Variants in DPP9 observed in about 807,000 individuals in gnomAD.
The protein encoded by DPP9 is dipeptidyl peptidase 9, also known as dipeptidyl peptidase IV-related protein-2.
DPP9 carries 50 observed loss-of-function variants against 110.7 expected under a neutral mutation model. The ratio of observed to expected loss-of-function variants is 0.45; its 90% confidence interval spans 0.36 to 0.57. The LOEUF (loss-of-function observed/expected upper bound fraction) is 0.57. DPP9 is among the 20% of genes least tolerant of loss of function. The probability of loss-of-function intolerance (pLI) is 0.00; values close to 1 mark genes in which losing one functional copy is unlikely to be tolerated. For missense variants in DPP9, 1,022 were observed against 1,217.9 expected (o/e 0.84, Z 2.39); for synonymous variants, 561 against 514.4 (o/e 1.09, Z -1.23).
At position 4,714,115 on chromosome 19, in the gene DPP9, C is replaced by G; in HGVS notation, c.279G>C (p.Glu93Asp). Residue 93 changes from glutamate to aspartate, a missense_variant, in exon 4 of 22, where the codon GAG (glutamate) becomes GAC (aspartate). This residue lies in a region of DPP9 where 810 missense variants were observed against 920.6 expected (regional missense o/e 0.88). Coordinates refer to ENST00000262960, the MANE Select transcript of DPP9 (RefSeq NM_139159.5). The part of the protein sequence containing the change: ...HDFQFVQKTD[E>D]SGPHSHRLYY... Reference sequence around the variant, plus strand: ...AGAGGCGGTGGGAGTGGGGCCCAGACTCATCCGTCTTCTGCACAAACTGGA... The same window carrying G: ...AGAGGCGGTGGGAGTGGGGCCCAGAGTCATCCGTCTTCTGCACAAACTGGA... 6.2e-7 allele frequency: 1 copy of G among 1,613,136 alleles called. No homozygotes were observed. Among genetic ancestry groups the G allele is most frequent in the Non-Finnish European group, 8.5e-7 (1 of 1,179,500 alleles).
intron 20 of DPP9, among the ~76,000 whole-genome samples, chr19:4,680,371 C>T (rs1032563824): frequency 6.6e-6 from 1 of 151,904 alleles, no homozygotes; most frequent in African/African-American, 2.4e-5. Flanking sequence ...TACCACTGCA[C>T]TCCAGCCTGG....
intron 18 of DPP9, chr19:4,683,911 C>A (rs1038999744): frequency 8.4e-7 from 1 of 1,190,066 alleles, no homozygotes; most frequent in Non-Finnish European, 1.2e-6. Flanking sequence ...GGGACATTAA[C>A]AGGAAGAGGA....
chr19:4,683,656 A>AGTG (rs1568302288), intron 18 of DPP9, 27 bp from the exon 19 acceptor site: 1 of 1,613,184 alleles, frequency 6.2e-7, no homozygotes, highest in South Asian at 1.1e-5. Context: ...GGCACCTCTC[A>AGTG]GTGGCCTCCT....
chr19:4,713,976 C>T (rs771204056), intron 4 of DPP9, 105 bp downstream of exon 4: 52 of 1,434,692 alleles, frequency 3.6e-5, no homozygotes, highest in East Asian at 1.2e-4. Flanking sequence ...CCCAGCCATC[C>T]GAGCAGATCT....
In DPP9 at chr19:4,676,915, C is replaced by CG. The variant is rs1436962680; in HGVS notation, c.2587-260dup. Reference sequence around the variant, plus strand: ...TACAAAACGCCTTGCGGTGTGCACGCGCTTGCACAGAGGAAAGATTTAGGA... The same window carrying CG: ...TACAAAACGCCTTGCGGTGTGCACGCGGCTTGCACAGAGGAAAGATTTAGGA... On this transcript the variant is annotated intron_variant, in intron 21 of 21. Coordinates refer to ENST00000262960, the MANE Select transcript of DPP9 (RefSeq NM_139159.5). The surrounding 1 kb of genome is among the most constrained non-coding windows in gnomAD (Gnocchi z 4.0). Among the ~76,000 whole-genome samples the CG allele has an allele frequency of 6.6e-6, 1 of 152,168 alleles. No homozygotes were observed. Among genetic ancestry groups the CG allele is most frequent in the East Asian group, 1.9e-4 (1 of 5,186 alleles).
Position 4,676,319 on chromosome 19 carries a change from G to C in DPP9, c.*245C>G. The stretch of plus-strand genomic sequence containing the variant: ...CTCCCAGAAGGCGGGGAGAGGAGGG[G>C]CTGGCCCGAGACCACCATCTCTCTG... On this transcript the variant is annotated 3_prime_UTR_variant, in exon 22 of 22. Transcript: ENST00000262960. This position sits in a 1 kb window ranked among gnomAD's most constrained non-coding sequence, Gnocchi z 4.0. 5 of 540,684 alleles carry C rather than the reference G, an allele frequency of 9.2e-6. No individual in the cohort carries two copies. The South Asian group carries it at 1.0e-4, about 11-fold the overall frequency. 33.5% of individuals were successfully genotyped at this position (540,684 alleles called of 1,614,324 possible).
At chr19:4,691,501 A>C (rs375971166) in intron 13 of DPP9, among the ~76,000 whole-genome samples, 3 of 150,972 alleles carry the variant, frequency 2.0e-5, no homozygotes, top group African/African-American at 7.3e-5. Flanking sequence ...AACAAAAAAC[A>C]GGAAGAGAAA....
rs769974053 is a variant in DPP9, at chr19:4,679,855, C to G, written c.2566G>C (p.Gly856Arg). The change falls in exon 21 of 22, where the codon GGG becomes CGG. Residue 856 changes from glycine (G) to arginine (R), a missense_variant. Around this residue, in one of 3 missense-constraint regions of DPP9, gnomAD observed 209 missense variants for 280.4 expected, o/e 0.75. Coordinates refer to ENST00000262960, the MANE Select transcript of DPP9 (RefSeq NM_139159.5). ...CCCACCTGGAGCTGGTAAGGTTTCC[C>G]TGCTCGGATCAGTTGGGAGACGAGG... is the stretch of plus-strand genomic sequence containing the variant. ...NFLVSQLIRA[G>R]KPYQLQIYPN... is the part of the protein sequence containing the mutation. 1.2e-6 allele frequency: 2 copies of G among 1,612,682 alleles called. No individual in the cohort carries two copies. Among genetic ancestry groups the G allele is most frequent in the East Asian group, 4.5e-5 (2 of 44,860 alleles).
chr19:4,719,784 G>C, intron 3 of DPP9, 67 bp downstream of exon 3: 4 of 1,528,306 alleles, frequency 2.6e-6, no homozygotes, highest in Non-Finnish European at 2.7e-6. Context: ...CCAGATCTTA[G>C]ACTGTTGGGG....
At chr19:4,681,489 A>G (rs1367644117) in intron 20 of DPP9, among the ~76,000 whole-genome samples, 1 of 150,836 alleles carries the variant, frequency 6.6e-6, no homozygotes, top group Non-Finnish European at 1.5e-5. Context: ...GCTAATTTTT[A>G]TATTTTTAGT....
intron 4 of DPP9, among the ~76,000 whole-genome samples, chr19:4,708,496 ATCT>A (rs2092689926): frequency 6.6e-6 from 1 of 152,176 alleles, no homozygotes; most frequent in South Asian, 2.1e-4. Flanking sequence ...ATGAAACAGA[ATCT>A]TCTCACTATT....
chr19:4,715,380 C>T (rs570884366), intron 3 of DPP9: 2 of 152,322 alleles, frequency 1.3e-5, no homozygotes, highest in South Asian at 4.1e-4. Flanking sequence ...CGTCAGAAAC[C>T]TTTCACACCA....
At position 4,688,928 on chromosome 19, in the gene DPP9, G is replaced by A. The variant is rs759984864; in HGVS notation, c.1750-36C>T. The A allele has an allele frequency of 1.3e-5, 19 of 1,500,258 alleles. No individual in the cohort carries two copies. The East Asian group carries it at 4.8e-4, about 38-fold the overall frequency. 92.9% of individuals were successfully genotyped at this position (1,500,258 alleles called of 1,614,324 possible). On this transcript the variant is annotated intron_variant, in intron 15 of 21. Transcript: ENST00000262960. Reference sequence around the variant, plus strand: ...AATGGGGTGATGAGCTCCACGGGATGCCGCTGCGCCCTTTCCACTGGGTGC... The same window carrying A: ...AATGGGGTGATGAGCTCCACGGGATACCGCTGCGCCCTTTCCACTGGGTGC...
At chr19:4,681,017 G>T (rs2089792252) in intron 20 of DPP9, among the ~76,000 whole-genome samples, 1 of 152,168 alleles carries the variant, frequency 6.6e-6, no homozygotes, top group Non-Finnish European at 1.5e-5. Flanking sequence ...TGTGGCATGG[G>T]CTACTGGTGA....
chr19:4,707,219 C>G (rs181347789), intron 4 of DPP9, among the ~76,000 whole-genome samples: 1 of 152,174 alleles, frequency 6.6e-6, no homozygotes, highest in Non-Finnish European at 1.5e-5. Flanking sequence ...TTTCCACCTA[C>G]GCATGTCTCT....
rs2091750360 is a variant in DPP9 at position 4,695,764 on chromosome 19, G to A, written c.1176-209C>T. Among the ~76,000 whole-genome samples the A allele has an allele frequency of 6.6e-6, 1 of 152,208 alleles. No individual in the cohort carries two copies. Among genetic ancestry groups the A allele is most frequent in the Non-Finnish European group, 1.5e-5 (1 of 68,036 alleles). Reference sequence around the variant, plus strand: ...TAGGGGAGGACAGGATGGGTGACAAGATTTCATGATCCAAGTGTTCCGGAA... The same window carrying A: ...TAGGGGAGGACAGGATGGGTGACAAAATTTCATGATCCAAGTGTTCCGGAA... On this transcript the variant is annotated intron_variant, in intron 11 of 21. Coordinates refer to ENST00000262960, the MANE Select transcript of DPP9 (RefSeq NM_139159.5). This position sits in a 1 kb window ranked among gnomAD's most constrained non-coding sequence, Gnocchi z 4.7.
At chr19:4,681,721 T>G (rs1353902475) in intron 20 of DPP9, among the ~76,000 whole-genome samples, 3 of 150,484 alleles carry the variant, frequency 2.0e-5, no homozygotes, top group Non-Finnish European at 4.4e-5. Context: ...TGCACCACCA[T>G]GCCCAGCTTA....
At position 4,702,692 on chromosome 19, in the gene DPP9, G is replaced by C; in HGVS notation, c.794C>G (p.Pro265Arg). The C allele has an allele frequency of 6.3e-7, 1 of 1,597,068 alleles. No homozygotes were observed. The highest frequency in any genetic ancestry group is 8.5e-7 in the Non-Finnish European group (1 of 1,172,356). Residue 265 changes from proline (P) to arginine (R), a missense_variant, in exon 8 of 22, where the codon CCC becomes CGC. By Grantham distance (103) the Pro-to-Arg change is moderately radical. Coordinates refer to ENST00000262960, the MANE Select transcript of DPP9 (RefSeq NM_139159.5). ...GAAGGTGGCCACACCCGCAGACTTG[G>C]GGTCATCCAGGACATTGGATAAACC... is the stretch of plus-strand genomic sequence containing the variant. ...HQGLSNVLDD[P>R]KSAGVATFVI...
chr19:4,695,606 G>A lies in DPP9; in HGVS notation c.1176-51C>T. ...TGAGAGGGAAGCTGGGAGCCTCAGT[G>A]GCCTGCACAGAGAAGCTGGGGACGC... On this transcript the variant is annotated intron_variant, in intron 11 of 21. Transcript: ENST00000262960. The surrounding 1 kb of genome is among the most constrained non-coding windows in gnomAD (Gnocchi z 4.7). 2 of 1,397,784 alleles carry A rather than the reference G, an allele frequency of 1.4e-6. No individual in the cohort carries two copies. The highest frequency in any genetic ancestry group is 1.9e-6 in the Non-Finnish European group (2 of 1,061,232). The allele number at this position is 1,397,784 out of a possible 1,614,324, so 86.6% of individuals were successfully genotyped here.
Sources: allele counts gnomAD v4.1 joint callset (sites outside exome capture counted in the v4.1 genomes callset), GRCh38; gene constraint gnomAD v4.1.1; regional missense constraint gnomAD v4.1.1; non-coding constraint Gnocchi (gnomAD v3.1); transcripts MANE v1.5; gene names NCBI Gene and HGNC (gene_info 2026-07-23, HGNC 2026-07-21).